The following TNS3 variants were observed in gnomAD, a reference collection of about 807,000 sequenced individuals.
TNS3 encodes the protein tensin 3.
A neutral mutation model predicts 140.9 loss-of-function variants in TNS3; 45 were observed. That is an observed-to-expected ratio of 0.32 (90% CI 0.25 to 0.41). TNS3 has a LOEUF of 0.41. Among genes scored for constraint, TNS3 ranks in the 10% least tolerant of loss-of-function variants. The pLI is 1.00. For missense variants in TNS3, 1,716 were observed against 1,906.7 expected (o/e 0.90, Z 1.86); for synonymous variants, 815 against 788.4 (o/e 1.03, Z -0.56).
intron 5 of TNS3, 134 bp downstream of exon 5, chr7:47,441,869 G>T: frequency 3.1e-6 from 2 of 648,940 alleles, no homozygotes; most frequent in Non-Finnish European, 4.9e-6. Context: ...TATCACCTTT[G>T]ATTGGCAATG....
intron 15 of TNS3, among the ~76,000 whole-genome samples, chr7:47,397,113 A>AAG (rs1454537254): frequency 2.0e-5 from 3 of 152,092 alleles, no homozygotes; most frequent in Non-Finnish European, 1.5e-5. Context: ...CACGAGGGGG[A>AAG]AGGGATAAGT....
At chr7:47,516,100 T>G (rs540791703) in intron 2 of TNS3, among the ~76,000 whole-genome samples, 1 of 152,256 alleles carries the variant, frequency 6.6e-6, no homozygotes, top group Non-Finnish European at 1.5e-5. Flanking sequence ...CCAGGTAGCA[T>G]GTACACAAAG....
intron 17 of TNS3, among the ~76,000 whole-genome samples, chr7:47,360,394 A>G (rs749211867): frequency 6.6e-6 from 1 of 152,198 alleles, no homozygotes; most frequent in Non-Finnish European, 1.5e-5. Flanking sequence ...TGAAGCTCAC[A>G]GATGGAGAAA....
chr7:47,545,755 T>C (rs533504703), intron 1 of TNS3, among the ~76,000 whole-genome samples: 1 of 152,282 alleles, frequency 6.6e-6, no homozygotes, highest in East Asian at 1.9e-4. Context: ...GATCAGAAAA[T>C]GACCACTGGA....
intron 2 of TNS3, 65 bp downstream of exon 2, chr7:47,528,971 T>G (rs1799298147): frequency 9.6e-7 from 1 of 1,042,978 alleles, no homozygotes; most frequent in Non-Finnish European, 1.2e-6. Flanking sequence ...AAAAAAGTTT[T>G]CGTTTTGTTT....
intron 23 of TNS3, among the ~76,000 whole-genome samples, chr7:47,299,626 C>T (rs543177778): frequency 6.6e-6 from 1 of 152,182 alleles, no homozygotes; most frequent in South Asian, 2.1e-4. Flanking sequence ...ACGGGCTTTG[C>T]TCCGACCAGT....
chr7:47,457,108 AAGGGGAGGGGAGGGGAGGGGAGGGGAGG>A (rs1211978460), intron 4 of TNS3, among the ~76,000 whole-genome samples: 59 of 29,848 alleles, frequency 2.0e-3, no homozygotes, highest in Non-Finnish European at 3.6e-3. Flanking sequence ...TGTGCTGGTA[AAGGGGAGGGGAGGGGAGGGGAGGGGAGG>A]AGGGGAGGGG....
rs760605106 is a variant in TNS3 at position 47,280,186 on chromosome 7, T to C, written c.4171A>G (p.Ile1391Val). 2.5e-6 allele frequency: 4 copies of C among 1,614,180 alleles called. No homozygotes were observed. Among genetic ancestry groups the C allele is most frequent in the Non-Finnish European group, 3.4e-6 (4 of 1,180,036 alleles). ...CALDPQDRKW[I>V]KDGPSSKVFG... The stretch of plus-strand genomic sequence containing the variant: ...TACTTTGAGGAAGGGCCATCTTTGA[T>C]CCACCTTGCAAATTAAAGAGAAAAA... Residue 1391 changes from isoleucine to valine, a missense_variant, in exon 30 of 31, where the codon ATC (isoleucine) becomes GTC (valine). Coordinates refer to ENST00000311160, the MANE Select transcript of TNS3 (RefSeq NM_022748.12).
intron 17 of TNS3, among the ~76,000 whole-genome samples, chr7:47,366,160 C>T (rs1248365270): frequency 6.6e-6 from 1 of 152,140 alleles, no homozygotes; most frequent in East Asian, 1.9e-4. Context: ...ATAGTTTTTT[C>T]CCATTAGAGC....
intron 16 of TNS3, among the ~76,000 whole-genome samples, chr7:47,378,065 G>A (rs937501431): frequency 1.3e-5 from 2 of 152,170 alleles, no homozygotes; most frequent in African/African-American, 4.8e-5. Flanking sequence ...GTCCTTGTCT[G>A]CAGAGAAGCA....
At chr7:47,500,849 G>A (rs965572016) in intron 3 of TNS3, among the ~76,000 whole-genome samples, 1 of 152,108 alleles carries the variant, frequency 6.6e-6, no homozygotes, top group African/African-American at 2.4e-5. Flanking sequence ...GGAGGCCAAG[G>A]TGGGTGGATC....
chr7:47,533,123 A>ATATATTTTTTTTTT (rs1186427934), intron 1 of TNS3, among the ~76,000 whole-genome samples: 1 of 88,818 alleles, frequency 1.1e-5, no homozygotes, highest in African/African-American at 6.2e-5. Context: ...ATATATATAT[A>ATATATTTTTTTTTT]TTTTTTTTTT....
intron 1 of TNS3, among the ~76,000 whole-genome samples, chr7:47,542,287 G>A (rs1799809081): frequency 1.3e-5 from 2 of 152,214 alleles, no homozygotes; most frequent in South Asian, 2.1e-4. Context: ...ATTCAGAGAT[G>A]AGAATATGCA....
At chr7:47,468,607 A>G (rs1366715113) in intron 4 of TNS3, among the ~76,000 whole-genome samples, 1 of 152,244 alleles carries the variant, frequency 6.6e-6, no homozygotes, top group East Asian at 1.9e-4. Context: ...GCAAATGGAA[A>G]AACATCCCAT....
At chr7:47,444,908 G>A (rs1208198050) in intron 4 of TNS3, among the ~76,000 whole-genome samples, 1 of 152,186 alleles carries the variant, frequency 6.6e-6, no homozygotes, top group Non-Finnish European at 1.5e-5. Flanking sequence ...CTGAGCTGGT[G>A]AAAAGTCAGA....
intron 2 of TNS3, among the ~76,000 whole-genome samples, chr7:47,524,967 G>C (rs776341423): frequency 4.3e-4 from 65 of 152,136 alleles, no homozygotes; most frequent in Non-Finnish European, 7.9e-4. Flanking sequence ...GTCCATGAGT[G>C]ATTTTCTTCA....
chr7:47,542,597 G>A (rs140628099), intron 1 of TNS3, among the ~76,000 whole-genome samples: 42 of 152,298 alleles, frequency 2.8e-4, no homozygotes, highest in African/African-American at 9.6e-4. Context: ...GAGGGTGTCC[G>A]AGTGTGAGGG....
chr7:47,275,659 G>A lies in TNS3; in HGVS notation c.*2417C>T. 5 of 381,556 alleles carry A rather than the reference G, an allele frequency of 1.3e-5. No individual in the cohort carries two copies. Among genetic ancestry groups the A allele is most frequent in the Non-Finnish European group, 1.0e-5 (2 of 191,868 alleles). The allele number at this position is 381,556 out of a possible 1,614,324, so 23.6% of individuals were successfully genotyped here. A position where few individuals can be genotyped will look rare whatever the true frequency, so the allele number is the denominator to read the frequency against. ...TAATGCACATGTAACACAAAAGGAA[G>A]AAAGAAACTTCCTATACCAGCTCTT... is the stretch of plus-strand genomic sequence containing the variant. On this transcript the variant is annotated 3_prime_UTR_variant, in exon 31 of 31. Coordinates refer to ENST00000311160, the MANE Select transcript of TNS3 (RefSeq NM_022748.12).
At position 47,418,714 on chromosome 7, in the gene TNS3, A is replaced by C. The variant is rs558462871; in HGVS notation, c.474-3508T>G. The stretch of plus-strand genomic sequence containing the variant: ...TTTTTAAACTTGTAAGCAAACGAAC[A>C]TAAAAGCAGCTTGAAATTTTCAGTT... On this transcript the variant is annotated intron_variant, in intron 10 of 30. Coordinates refer to ENST00000311160, the MANE Select transcript of TNS3 (RefSeq NM_022748.12). 3.3e-5 allele frequency among the ~76,000 whole-genome samples: 5 copies of C among 152,394 alleles called. No homozygotes were observed. In the South Asian group the frequency reaches 8.3e-4, roughly 25 times the overall value.
Sources: allele counts gnomAD v4.1 joint callset (sites outside exome capture counted in the v4.1 genomes callset), GRCh38; gene constraint gnomAD v4.1.1; transcripts MANE v1.5; gene names NCBI Gene and HGNC (gene_info 2026-07-23, HGNC 2026-07-21).